Variants in ZNF395 observed in about 807,000 individuals in gnomAD.
ZNF395 encodes the protein HD gene regulatory region-binding protein 2.
ZNF395 carries 20 observed loss-of-function variants against 57.7 expected under a neutral mutation model. The observed-to-expected ratio is 0.35, with a 90% confidence interval of 0.24 to 0.50. The LOEUF is 0.50. ZNF395 is among the 20% of genes least tolerant of loss of function. The pLI is 0.97. For missense variants in ZNF395, 606 were observed against 671.2 expected (o/e 0.90, Z 1.07); for synonymous variants, 295 against 275.9 (o/e 1.07, Z -0.69).
At chr8:28,348,973 G>C (rs1219860852) in intron 9 of ZNF395, 143 bp from the exon 10 acceptor site, 7 of 1,144,122 alleles carry the variant, frequency 6.1e-6, no homozygotes, top group Non-Finnish European at 9.0e-6. Context: ...GAGGCTCTGA[G>C]GACCAAACAG....
At chr8:28,365,118 T>A (rs946628771) in intron 1 of ZNF395, among the ~76,000 whole-genome samples, 8 of 152,192 alleles carry the variant, frequency 5.3e-5, no homozygotes, top group African/African-American at 1.9e-4. Flanking sequence ...CTGGGCAGCA[T>A]CACCAGGCAT....
intron 1 of ZNF395, among the ~76,000 whole-genome samples, chr8:28,378,075 T>C (rs139217430): frequency 6.6e-6 from 1 of 152,166 alleles, no homozygotes; most frequent in African/African-American, 2.4e-5. Context: ...ACTACTTGTC[T>C]ACATGTCAAT....
rs1299999284 is a variant in ZNF395 at position 28,359,649 on chromosome 8, G to A, written c.416C>T (p.Pro139Leu). 5.0e-6 allele frequency: 8 copies of A among 1,612,954 alleles called. No homozygotes were observed. Among genetic ancestry groups the A allele is most frequent in the Non-Finnish European group, 6.8e-6 (8 of 1,179,374 alleles). ...GPCPQAPPLE[P>L]GAQALAYRPV... ...CCTGTAGGCCAGGGCCTGGGCTCCG[G>A]GCTCCAGGGGTGGTGCCTGGGGACA... Residue 139 changes from proline (P) to leucine (L), a missense_variant, in exon 3 of 10, where the codon CCC becomes CTC. Pro to Leu is a moderately conservative substitution (Grantham distance 98). Coordinates refer to ENST00000344423, the MANE Select transcript of ZNF395 (RefSeq NM_018660.3). The surrounding 1 kb of genome is among the most constrained non-coding windows in gnomAD (Gnocchi z 4.7).
intron 1 of ZNF395, among the ~76,000 whole-genome samples, chr8:28,381,255 A>T (rs1802106521): frequency 6.6e-6 from 1 of 151,486 alleles, no homozygotes. Flanking sequence ...GTTAGCCAGG[A>T]TGGTCTCGAT....
intron 1 of ZNF395, among the ~76,000 whole-genome samples, chr8:28,369,556 T>C (rs1585860832): frequency 6.6e-6 from 1 of 152,220 alleles, no homozygotes; most frequent in East Asian, 1.9e-4. Context: ...CCAAAGCCAG[T>C]GACCGACCCC....
intron 1 of ZNF395, among the ~76,000 whole-genome samples, chr8:28,367,255 C>T (rs1801922592): frequency 6.6e-6 from 1 of 152,080 alleles, no homozygotes; most frequent in Non-Finnish European, 1.5e-5. Context: ...TGTCCAACTC[C>T]CATTCAGGGC....
chr8:28,383,676 G>C (rs1802137416), intron 1 of ZNF395, among the ~76,000 whole-genome samples: 1 of 152,040 alleles, frequency 6.6e-6, no homozygotes, highest in African/African-American at 2.4e-5. Flanking sequence ...CCTCGGTTCA[G>C]GCCTTGAGTA....
intron 1 of ZNF395, among the ~76,000 whole-genome samples, chr8:28,382,175 T>TCCTGTCC (rs1302668327): frequency 6.6e-6 from 1 of 152,132 alleles, no homozygotes; most frequent in Non-Finnish European, 1.5e-5. Flanking sequence ...CAAGCCTGTC[T>TCCTGTCC]CCTGTCCATA....
chr8:28,383,437 C>G (rs757262578), intron 1 of ZNF395, among the ~76,000 whole-genome samples: 2 of 152,142 alleles, frequency 1.3e-5, no homozygotes, highest in Non-Finnish European at 2.9e-5. Context: ...CTCTCCTACC[C>G]TCCAACCCTC....
intron 9 of ZNF395, 100 bp from the exon 10 acceptor site, chr8:28,348,930 GC>G: frequency 7.5e-7 from 1 of 1,335,330 alleles, no homozygotes; most frequent in Non-Finnish European, 1.1e-6. Context: ...CAAAGGGGCA[GC>G]TCCCGGCAAA....
chr8:28,356,297 C>T lies in ZNF395; in HGVS notation c.583+373G>A, dbSNP rs1379166301. Among the ~76,000 whole-genome samples the T allele has an allele frequency of 3.9e-5, 6 of 152,170 alleles. No homozygotes were observed. Among genetic ancestry groups the T allele is most frequent in the African/African-American group, 1.4e-4 (6 of 41,438 alleles). ...AATGAGGGCATGAATTTTCTGAGGCCACTAGGAGACCATTTAGCATATTGC... is the reference window on the plus strand; with the variant it reads ...AATGAGGGCATGAATTTTCTGAGGCTACTAGGAGACCATTTAGCATATTGC... On this transcript the variant is annotated intron_variant, in intron 4 of 9. Coordinates refer to ENST00000344423, the MANE Select transcript of ZNF395 (RefSeq NM_018660.3). This position sits in a 1 kb window ranked among gnomAD's most constrained non-coding sequence, Gnocchi z 4.0.
intron 1 of ZNF395, chr8:28,385,228 A>G (rs1802157463): frequency 6.6e-6 from 1 of 152,610 alleles, no homozygotes; most frequent in Admixed American, 6.5e-5. Flanking sequence ...GGAGCTGGCC[A>G]GGGCTGCCCA....
intron 1 of ZNF395, among the ~76,000 whole-genome samples, chr8:28,367,707 T>G (rs1268185911): frequency 2.0e-5 from 3 of 152,158 alleles, no homozygotes; most frequent in African/African-American, 7.2e-5. Context: ...AGGACACTCC[T>G]TGGCACATAG....
intron 4 of ZNF395, 71 bp from the exon 5 acceptor site, chr8:28,353,479 T>G: frequency 8.1e-7 from 1 of 1,237,430 alleles, no homozygotes; most frequent in Non-Finnish European, 1.1e-6. Flanking sequence ...CTTCTGAGCT[T>G]CGGTAAACAT....
chr8:28,373,501 A>AGT (rs1802001129), intron 1 of ZNF395, among the ~76,000 whole-genome samples: 1 of 152,104 alleles, frequency 6.6e-6, no homozygotes, highest in Non-Finnish European at 1.5e-5. Flanking sequence ...GCTTTGCTTG[A>AGT]GTGTTTAAGC....
rs1255278467 is a variant in ZNF395, at chr8:28,351,783, G to T, written c.945C>A (p.Phe315Leu). ...HLGDTVDSDQ[F>L]KREEDFYYTE... is the part of the protein sequence containing the mutation. ...TGTAGTAGAAATCCTCCTCCCGCTTGAACTGATCAGAGTCCACTGTGTCCC... is the reference window on the plus strand; with the variant it reads ...TGTAGTAGAAATCCTCCTCCCGCTTTAACTGATCAGAGTCCACTGTGTCCC... The change falls in exon 7 of 10, where the codon TTC becomes TTA. Residue 315 changes from phenylalanine to leucine, a missense_variant. By Grantham distance (22) the Phe-to-Leu change is conservative (BLOSUM62 0). Transcript: ENST00000344423. The T allele has an allele frequency of 6.4e-7, 1 of 1,571,932 alleles. No homozygotes were observed. Among genetic ancestry groups the T allele is most frequent in the South Asian group, 1.2e-5 (1 of 85,654 alleles).
At chr8:28,353,926 T>C (rs1801749883) in intron 4 of ZNF395, among the ~76,000 whole-genome samples, 1 of 152,190 alleles carries the variant, frequency 6.6e-6, no homozygotes, top group African/African-American at 2.4e-5. Flanking sequence ...CTTGACCAGC[T>C]TTCCTGAAAA....
intron 1 of ZNF395, among the ~76,000 whole-genome samples, chr8:28,384,765 T>G (rs547868726): frequency 6.6e-6 from 1 of 152,254 alleles, no homozygotes; most frequent in Non-Finnish European, 1.5e-5. Flanking sequence ...TCGTTTTTCC[T>G]TTATCTGATA....
chr8:28,385,908 G>C (rs1298776797), intron 1 of ZNF395: 2 of 145,524 alleles, frequency 1.4e-5, no homozygotes, highest in African/African-American at 4.9e-5. Context: ...GACCCCCCAG[G>C]CCGCCGGCCC....
Sources: allele counts gnomAD v4.1 joint callset (sites outside exome capture counted in the v4.1 genomes callset), GRCh38; gene constraint gnomAD v4.1.1; non-coding constraint Gnocchi (gnomAD v3.1); transcripts MANE v1.5; gene names NCBI Gene and HGNC (gene_info 2026-07-23, HGNC 2026-07-21).